Variants in AFF2 observed in about 807,000 individuals in gnomAD.
AFF2 encodes ALF transcription elongation factor 2, also known as AF4/FMR2 family member 2.
Under a neutral mutation model 76.9 loss-of-function variants are expected in AFF2, and 14 were observed. That is an observed-to-expected ratio of 0.18 (90% CI 0.12 to 0.28). The LOEUF is 0.28. Ranked by LOEUF, AFF2 falls within the 10% of genes least tolerant of loss-of-function variation. The pLI, the probability that AFF2 is intolerant of heterozygous loss-of-function variation, is 1.00. For missense variants in AFF2, 868 were observed against 1,001.1 expected (o/e 0.87, Z 1.79); for synonymous variants, 398 against 366.7 (o/e 1.09, Z -0.98).
chrX:148,623,251 T>C (rs1288931733), intron 1 of AFF2, among the ~76,000 whole-genome samples: 1 of 111,506 alleles, frequency 9.0e-6, no homozygotes, highest in Non-Finnish European at 1.9e-5. Flanking sequence ...AAGCCAGTGA[T>C]TTTAATTGAC....
chrX:148,556,374 G>A (rs915107837), intron 1 of AFF2, among the ~76,000 whole-genome samples: 6 of 111,440 alleles, frequency 5.4e-5, no homozygotes, highest in Admixed American at 1.9e-4. Context: ...CCGTGGTTCC[G>A]GGCGCCACCA....
chrX:148,635,010 C>A (rs782157056), intron 1 of AFF2, among the ~76,000 whole-genome samples: 2 of 111,651 alleles, frequency 1.8e-5, no homozygotes, highest in Admixed American at 9.5e-5. Flanking sequence ...ACTAGGATGA[C>A]CACAGTGAAC....
intron 9 of AFF2, among the ~76,000 whole-genome samples, chrX:148,923,622 AC>A (rs1164582449): frequency 1.8e-5 from 2 of 111,501 alleles, no homozygotes; most frequent in South Asian, 7.5e-4. Flanking sequence ...AAAAAAAAAA[AC>A]ATGATGTATA....
chrX:148,865,982 A>G (rs1557276827), intron 7 of AFF2, among the ~76,000 whole-genome samples: 1 of 111,802 alleles, frequency 8.9e-6, no homozygotes, highest in Non-Finnish European at 1.9e-5. Flanking sequence ...TTCAATGCCT[A>G]TGGACAGATG....
intron 9 of AFF2, among the ~76,000 whole-genome samples, chrX:148,930,706 C>G (rs1383787732): frequency 8.9e-6 from 1 of 112,255 alleles, no homozygotes; most frequent in African/African-American, 3.2e-5. Context: ...AGGCCTCTGG[C>G]TACTCAACCT....
chrX:148,902,902 G>A (rs781840212), intron 8 of AFF2, among the ~76,000 whole-genome samples: 2 of 111,226 alleles, frequency 1.8e-5, no homozygotes, highest in African/African-American at 6.5e-5. Context: ...TTAGTAAATG[G>A]AAGCATGGAT....
chrX:148,966,619 G>A (rs781799811), intron 13 of AFF2, among the ~76,000 whole-genome samples, 171 bp from the exon 14 acceptor site: 5 of 109,323 alleles, frequency 4.6e-5, no homozygotes, highest in East Asian at 2.9e-4. Flanking sequence ...GATTCATGGC[G>A]TTCATAAAAT....
chrX:148,711,449 A>G (rs781918991), intron 3 of AFF2, among the ~76,000 whole-genome samples: 5 of 112,060 alleles, frequency 4.5e-5, no homozygotes, highest in African/African-American at 1.6e-4. Flanking sequence ...ACATTATTTC[A>G]CCTATAAAAA....
At chrX:148,708,276 T>C (rs1366468946) in intron 3 of AFF2, among the ~76,000 whole-genome samples, 1 of 112,083 alleles carries the variant, frequency 8.9e-6, no homozygotes, top group African/African-American at 3.2e-5. Context: ...GCTAGAAAGT[T>C]ATGTCATGGA....
intron 5 of AFF2, among the ~76,000 whole-genome samples, chrX:148,838,057 A>T (rs1221990856): frequency 8.9e-6 from 1 of 111,805 alleles, no homozygotes; most frequent in South Asian, 3.7e-4. Flanking sequence ...AACGTTCAAG[A>T]TTTTAAAGTT....
chrX:148,751,530 G>A (rs782816603), intron 3 of AFF2, among the ~76,000 whole-genome samples: 1 of 112,145 alleles, frequency 8.9e-6, no homozygotes, highest in African/African-American at 3.2e-5. Context: ...GGCCAGACTG[G>A]CCTTTCTGTA....
chrX:148,885,309 T>C (rs2071144533), intron 7 of AFF2, among the ~76,000 whole-genome samples: 1 of 111,764 alleles, frequency 8.9e-6, no homozygotes, highest in South Asian at 3.8e-4. Context: ...GATCAAATTT[T>C]ACAGGAAGAG....
intron 3 of AFF2, among the ~76,000 whole-genome samples, chrX:148,723,740 C>T (rs1225495955): frequency 9.0e-6 from 1 of 110,503 alleles, no homozygotes. Flanking sequence ...ACAGATGGTG[C>T]CAATTACTGC....
intron 8 of AFF2, among the ~76,000 whole-genome samples, chrX:148,898,669 C>A (rs1233834149): frequency 8.9e-6 from 1 of 111,973 alleles, no homozygotes; most frequent in Non-Finnish European, 1.9e-5. Flanking sequence ...TCAGCTCTTC[C>A]TCCAGAGGCT....
intron 1 of AFF2, among the ~76,000 whole-genome samples, chrX:148,517,299 A>G (rs1557233920): frequency 8.9e-6 from 1 of 112,133 alleles, no homozygotes; most frequent in Non-Finnish European, 1.9e-5. Context: ...CCTTCTCTTC[A>G]GTACCACTGC....
chrX:148,559,542 G>T (rs2053087339), intron 1 of AFF2, among the ~76,000 whole-genome samples: 1 of 111,401 alleles, frequency 9.0e-6, no homozygotes, highest in Admixed American at 9.5e-5. Flanking sequence ...TTCTGTTCCT[G>T]TGTTAGTTTG....
At chrX:148,621,154 G>A (rs1178169321) in intron 1 of AFF2, among the ~76,000 whole-genome samples, 51 of 111,855 alleles carry the variant, frequency 4.6e-4, no homozygotes, top group Non-Finnish European at 3.4e-4. Context: ...TGAATCATGG[G>A]ATCTGTGATT....
chrX:148,980,292 C>T (rs970558989), intron 18 of AFF2, among the ~76,000 whole-genome samples: 2 of 111,815 alleles, frequency 1.8e-5, no homozygotes, highest in East Asian at 2.8e-4. Flanking sequence ...AACAAACAAA[C>T]GAAAATACTG....
At chrX:148,938,121 C>T (rs1262203602) in intron 9 of AFF2, among the ~76,000 whole-genome samples, 3 of 111,917 alleles carry the variant, frequency 2.7e-5, no homozygotes, top group Non-Finnish European at 5.6e-5. Flanking sequence ...TTAATGGAGT[C>T]TTATGTATTC....
Sources: gnomAD v4.1 joint callset for allele counts (sites outside exome capture counted in the v4.1 genomes callset) on GRCh38, gnomAD v4.1.1 for gene constraint, MANE v1.5 for transcripts, NCBI Gene and HGNC (gene_info 2026-07-23, HGNC 2026-07-21) for gene names.